The following EPB41L1 variants were observed in gnomAD, a reference collection of about 807,000 sequenced individuals.
EPB41L1 encodes band 4.1-like protein 1.
EPB41L1 carries 29 observed loss-of-function variants against 97.8 expected under a neutral mutation model. The observed-to-expected ratio is 0.30, with a 90% CI of 0.22 to 0.40. The LOEUF is 0.40. Among genes scored for constraint, EPB41L1 ranks in the 10% least tolerant of loss-of-function variants. The probability of loss-of-function intolerance (pLI) is 1.00; values close to 1 mark genes in which losing one functional copy is unlikely to be tolerated. For missense variants in EPB41L1, 812 were observed against 1,162.3 expected, an observed-to-expected ratio of 0.70 and a Z score of 4.38; for synonymous variants, 383 against 459.2, an observed-to-expected ratio of 0.83 and a Z score of 2.12.
chr20:36,167,734 A>T lies in EPB41L1; in HGVS notation c.-14-6030A>T, dbSNP rs891972292. On this transcript the variant is annotated intron_variant, in intron 1 of 21. Transcript: ENST00000338074. ...AATAATATTAATAATAATAATAATA[A>T]CAATAATAATAAATAATAAATAAAG... Among the ~76,000 whole-genome samples, 3 of 151,182 alleles carry T rather than the reference A, an allele frequency of 2.0e-5. No individual in the cohort carries two copies. In the South Asian group the frequency reaches 6.3e-4, roughly 32 times the overall value.
chr20:36,150,110 C>A (rs1413660141), upstream of EPB41L1, among the ~76,000 whole-genome samples: 1 of 151,618 alleles, frequency 6.6e-6, no homozygotes, highest in African/African-American at 2.4e-5. Context: ...TCTTGTCCCC[C>A]AGGCTGGAGT....
At chr20:36,149,166 G>C (rs1384925071) in intron 2 of EPB41L1, among the ~76,000 whole-genome samples, 1 of 152,136 alleles carries the variant, frequency 6.6e-6, no homozygotes, top group Admixed American at 6.5e-5. Context: ...GTACAGATGG[G>C]GCAACTGAGG....
intron 21 of EPB41L1, 127 bp downstream of exon 21, chr20:36,222,521 A>G (rs1284519101): frequency 1.4e-6 from 1 of 727,680 alleles, no homozygotes; most frequent in East Asian, 2.6e-5. Context: ...TCCCCCCATC[A>G]GCCTTCCTGA....
chr20:36,159,283 C>G (rs1287341994), intron 1 of EPB41L1, among the ~76,000 whole-genome samples: 1 of 152,230 alleles, frequency 6.6e-6, no homozygotes, highest in Non-Finnish European at 1.5e-5. Flanking sequence ...CCCATCAGAG[C>G]TTCCTCTATA....
At chr20:36,155,328 C>G (rs2060248326) in intron 1 of EPB41L1, 1 of 371,296 alleles carries the variant, frequency 2.7e-6, no homozygotes, top group South Asian at 2.0e-5. Flanking sequence ...ACTCTGGTTA[C>G]GGACCCTTCC....
chr20:36,107,396 T>G, intron 1 of EPB41L1, among the ~76,000 whole-genome samples: 1 of 151,866 alleles, frequency 6.6e-6, no homozygotes, highest in Non-Finnish European at 1.5e-5. Flanking sequence ...AATTTTTGTA[T>G]TTTTAGTAGA....
At chr20:36,101,566 CAGA>C (rs2058018085) in intron 1 of EPB41L1, among the ~76,000 whole-genome samples, 1 of 152,162 alleles carries the variant, frequency 6.6e-6, no homozygotes, top group South Asian at 2.1e-4. Context: ...GGCAAGGGAG[CAGA>C]AGTTCAATTT....
At position 36,212,197 on chromosome 20, in the gene EPB41L1, C is replaced by T. The variant is rs1225647648; in HGVS notation, c.2080-75C>T. The T allele has an allele frequency of 1.4e-6, 2 of 1,395,672 alleles. No individual in the cohort carries two copies. Among genetic ancestry groups the T allele is most frequent in the East Asian group, 2.3e-5 (1 of 43,792 alleles). 86.5% of individuals were successfully genotyped at this position (1,395,672 alleles called of 1,614,324 possible). On this transcript the variant is annotated intron_variant, in intron 15 of 21. Transcript: ENST00000338074. The surrounding 1 kb of genome is among the most constrained non-coding windows in gnomAD (Gnocchi z 4.8). The stretch of plus-strand genomic sequence containing the variant: ...GGGATAGGAGATAGCCTGCAGACAC[C>T]ACACTGCAATTGTCTGTGAGCAAGG...
chr20:36,193,535 A>G (rs113270931), intron 11 of EPB41L1, among the ~76,000 whole-genome samples: 2 of 152,368 alleles, frequency 1.3e-5, no homozygotes, highest in African/African-American at 4.8e-5. Context: ...ATTATGCCCA[A>G]TGCGTGATGC....
Position 36,207,839 on chromosome 20 carries a change from G to T in EPB41L1, c.1669-1649G>T. On this transcript the variant is annotated intron_variant, in intron 14 of 21. Transcript: ENST00000338074. This position sits in a 1 kb window ranked among gnomAD's most constrained non-coding sequence, Gnocchi z 4.9. ...TGCTCCCCGCCCATGGGGGCTGGCC[G>T]CATGCTCTGTAGTTTTTAGAAGCAT... The T allele has an allele frequency of 8.0e-7, 1 of 1,242,450 alleles. No individual in the cohort carries two copies. The highest frequency in any genetic ancestry group is 5.7e-5 in the East Asian group (1 of 17,628). 77.0% of individuals were successfully genotyped at this position (1,242,450 alleles called of 1,614,324 possible). A position where few individuals can be genotyped will look rare whatever the true frequency, so the allele number is the denominator to read the frequency against.
chr20:36,190,579 G>T lies in EPB41L1; in HGVS notation c.1125-43G>T, dbSNP rs775395390. The T allele has an allele frequency of 1.9e-6, 3 of 1,612,320 alleles. No individual in the cohort carries two copies. The highest frequency in any genetic ancestry group is 2.2e-5 in the East Asian group (1 of 44,882). ...GTGGTCTAACCTTGGGCCTGGCAGT[G>T]CAGGTCTGATTCCTCCTCCTCCCCT... is the stretch of plus-strand genomic sequence containing the variant. On this transcript the variant is annotated intron_variant, in intron 10 of 21. Transcript: ENST00000338074. This position sits in a 1 kb window ranked among gnomAD's most constrained non-coding sequence, Gnocchi z 5.8.
intron 2 of EPB41L1, among the ~76,000 whole-genome samples, chr20:36,139,723 CTTA>C (rs968932659): frequency 6.7e-6 from 1 of 150,016 alleles, no homozygotes; most frequent in Non-Finnish European, 1.5e-5. Context: ...GTGCTTTCTT[CTTA>C]TTATTATTTA....
intron 2 of EPB41L1, among the ~76,000 whole-genome samples, chr20:36,135,166 T>A (rs1254701282): frequency 1.3e-5 from 2 of 152,140 alleles, no homozygotes; most frequent in African/African-American, 4.8e-5. Context: ...CCCAGCCTAC[T>A]TTGTATTGTC....
Position 36,185,190 on chromosome 20 carries a change from C to T in EPB41L1, c.640C>T (p.Leu214=). ...RLPCSFVTHA[L]LGSYAVQAEL... Reference sequence around the variant, plus strand: ...GCCATGCTCCTTTGTCACGCATGCCCTACTGGGCTCCTACGCTGTGCAGGC... The same window carrying T: ...GCCATGCTCCTTTGTCACGCATGCCTTACTGGGCTCCTACGCTGTGCAGGC... Residue 214 remains leucine, a synonymous_variant, in exon 7 of 22, where the codon CTA becomes TTA. Transcript: ENST00000338074. 2 of 1,613,574 alleles carry T rather than the reference C, an allele frequency of 1.2e-6. No individual in the cohort carries two copies. Among genetic ancestry groups the T allele is most frequent in the Non-Finnish European group, 1.7e-6 (2 of 1,180,044 alleles).
At chr20:36,197,403 A>G in intron 13 of EPB41L1, among the ~76,000 whole-genome samples, 1 of 152,208 alleles carries the variant, frequency 6.6e-6, no homozygotes, top group East Asian at 1.9e-4. Context: ...GAGGCACCTG[A>G]ATGAGTCAGA....
chr20:36,164,874 T>G (rs1366572926), intron 1 of EPB41L1, among the ~76,000 whole-genome samples: 3 of 152,018 alleles, frequency 2.0e-5, no homozygotes. Context: ...TTAGTAGAGA[T>G]AGGGTTTCAC....
rs2060220913 is a variant in EPB41L1, at chr20:36,154,837, G to C, written c.-74G>C. ...GCCCCGCCCCGCGGCCTGCCTGCCA[G>C]AGGAGCCGAGGGGGCCGCCCCTCGC... On this transcript the variant is annotated 5_prime_UTR_variant, in exon 1 of 22. Transcript: ENST00000338074. The surrounding 1 kb of genome is among the most constrained non-coding windows in gnomAD (Gnocchi z 5.5). 4.0e-6 allele frequency: 4 copies of C among 997,758 alleles called. No homozygotes were observed. The highest frequency in any genetic ancestry group is 3.6e-6 in the Non-Finnish European group (3 of 837,616). 61.8% of individuals were successfully genotyped at this position (997,758 alleles called of 1,614,324 possible).
At chr20:36,197,331 G>C (rs775851278) in intron 13 of EPB41L1, among the ~76,000 whole-genome samples, 5 of 152,210 alleles carry the variant, frequency 3.3e-5, no homozygotes, top group Non-Finnish European at 5.9e-5. Context: ...TGGACATCCT[G>C]TTAAGTACAG....
chr20:36,123,720 C>T (rs1194373124), intron 2 of EPB41L1, among the ~76,000 whole-genome samples: 1 of 152,192 alleles, frequency 6.6e-6, no homozygotes, highest in Non-Finnish European at 1.5e-5. Context: ...GAGTGAGCCA[C>T]TGCGCTTGGG....
Sources: gnomAD v4.1 joint callset for allele counts (sites outside exome capture counted in the v4.1 genomes callset) on GRCh38, gnomAD v4.1.1 for gene constraint, Gnocchi (gnomAD v3.1) non-coding constraint, MANE v1.5 for transcripts, NCBI Gene and HGNC (gene_info 2026-07-23, HGNC 2026-07-21) for gene names.